PTPRT: variants seen among roughly 807,000 people sequenced by gnomAD.
PTPRT encodes receptor-type tyrosine-protein phosphatase T.
Under a neutral mutation model 176.8 loss-of-function variants are expected in PTPRT, and 56 were observed. The observed-to-expected ratio is 0.32, with a 90% CI of 0.26 to 0.40. The LOEUF (loss-of-function observed/expected upper bound fraction) is 0.40, where lower values mean the gene tolerates loss of function less well. Ranked by LOEUF, PTPRT falls within the 10% of genes least tolerant of loss-of-function variation. The pLI, the probability that PTPRT is intolerant of heterozygous loss-of-function variation, is 1.00. For synonymous variants in PTPRT, 783 were observed against 739.0 expected (o/e 1.06, Z -0.96); for missense variants, 1,540 against 1,908.2 (o/e 0.81, Z 3.60).
chr20:42,892,874 G>T (rs1193982604), intron 1 of PTPRT, among the ~76,000 whole-genome samples: 1 of 152,168 alleles, frequency 6.6e-6, no homozygotes, highest in Non-Finnish European at 1.5e-5. Flanking sequence ...TTATTGTTCA[G>T]TGAATGCCTG....
chr20:42,955,836 A>AAGGAG (rs1382464899), intron 1 of PTPRT, among the ~76,000 whole-genome samples: 1 of 124,158 alleles, frequency 8.1e-6, no homozygotes, highest in African/African-American at 3.0e-5. Flanking sequence ...AGTGAGGGAG[A>AAGGAG]AGGAGGGAGG....
intron 2 of PTPRT, among the ~76,000 whole-genome samples, chr20:42,877,783 C>T (rs2078958567): frequency 6.6e-6 from 1 of 152,174 alleles, no homozygotes; most frequent in African/African-American, 2.4e-5. Context: ...CTTTTTACAG[C>T]TAGCATCCAC....
intron 2 of PTPRT, among the ~76,000 whole-genome samples, chr20:42,883,930 G>A (rs1282514838): frequency 9.1e-6 from 1 of 110,216 alleles, no homozygotes; most frequent in African/African-American, 3.6e-5. Context: ...CAGTACACAG[G>A]CATGCACACA....
chr20:42,876,347 A>C (rs2078930658), intron 2 of PTPRT, among the ~76,000 whole-genome samples: 1 of 152,192 alleles, frequency 6.6e-6, no homozygotes, highest in Non-Finnish European at 1.5e-5. Context: ...TAAGCCTCAC[A>C]TTAAAGGAAG....
In PTPRT at chr20:42,452,291, GA is replaced by G. The variant is rs571002100; in HGVS notation, c.1451-3963del. On this transcript the variant is annotated intron_variant, in intron 8 of 30. Transcript: ENST00000373187. ...TCAAAAAAAAAAAAAATTCAGAATAGAGGTAAGAAGAAGAGTGAGAAAGAAA... is the reference window on the plus strand; with the variant it reads ...TCAAAAAAAAAAAAAATTCAGAATAGGGTAAGAAGAAGAGTGAGAAAGAAA... Among the ~76,000 whole-genome samples, 348 of 151,612 alleles carry G rather than the reference GA, an allele frequency of 2.3e-3. 2 individuals are homozygous for G. The highest frequency in any genetic ancestry group is 7.6e-3 in the African/African-American group (313 of 41,328).
chr20:42,359,943 T>A (rs1334300341), intron 9 of PTPRT, among the ~76,000 whole-genome samples: 1 of 152,074 alleles, frequency 6.6e-6, no homozygotes, highest in African/African-American at 2.4e-5. Context: ...GTTGTAGGAG[T>A]GGGGAAGTTA....
chr20:42,750,663 T>A (rs1267847388), intron 6 of PTPRT, among the ~76,000 whole-genome samples: 2 of 152,198 alleles, frequency 1.3e-5, no homozygotes, highest in Non-Finnish European at 2.9e-5. Context: ...AATAGGTTGT[T>A]AAATGGAGTT....
At chr20:42,348,295 C>T (rs1215239974) in intron 11 of PTPRT, among the ~76,000 whole-genome samples, 2 of 152,178 alleles carry the variant, frequency 1.3e-5, no homozygotes, top group Non-Finnish European at 2.9e-5. Context: ...ACCCTCAATG[C>T]TCTAGAGCCT....
intron 12 of PTPRT, among the ~76,000 whole-genome samples, chr20:42,297,187 A>C (rs1040115383): frequency 3.3e-5 from 5 of 152,182 alleles, no homozygotes; most frequent in Non-Finnish European, 7.4e-5. Context: ...GCTAACAAAG[A>C]ATATAATAGG....
At chr20:42,918,265 C>G (rs1978911751) in intron 1 of PTPRT, among the ~76,000 whole-genome samples, 1 of 152,154 alleles carries the variant, frequency 6.6e-6, no homozygotes, top group Non-Finnish European at 1.5e-5. Flanking sequence ...CACCCAAGCC[C>G]TGTGCTCCTG....
rs574842334 is a variant in PTPRT, at chr20:42,923,072, A to G, written c.89-37140T>C. On this transcript the variant is annotated intron_variant, in intron 1 of 30. Coordinates refer to ENST00000373187, the MANE Select transcript of PTPRT (RefSeq NM_007050.6). ...CATGATGAATTTAGGGAGGCCCTTC[A>G]GCACTCCACCCCTGCCCCATCACAC... is the stretch of plus-strand genomic sequence containing the variant. Among the ~76,000 whole-genome samples the G allele has an allele frequency of 3.9e-5, 6 of 152,232 alleles. No homozygotes were observed. In the East Asian group the frequency reaches 9.7e-4, roughly 25 times the overall value.
chr20:42,863,098 G>A (rs1312825790), intron 2 of PTPRT, among the ~76,000 whole-genome samples: 7 of 152,194 alleles, frequency 4.6e-5, no homozygotes. Context: ...ATGGTAACAG[G>A]TTGGTGAACA....
intron 16 of PTPRT, among the ~76,000 whole-genome samples, chr20:42,181,022 T>C (rs1322577664): frequency 6.6e-6 from 1 of 152,192 alleles, no homozygotes; most frequent in Non-Finnish European, 1.5e-5. Flanking sequence ...CTCATAGGTT[T>C]TAAGGATTAA....
At chr20:42,255,838 T>C (rs1036651287) in intron 13 of PTPRT, among the ~76,000 whole-genome samples, 1 of 152,212 alleles carries the variant, frequency 6.6e-6, no homozygotes, top group African/African-American at 2.4e-5. Flanking sequence ...TGATCATTGC[T>C]GACGATAAAG....
rs1002519341 is a variant in PTPRT, at chr20:42,165,992, C to G, written c.2492-4450G>C. The stretch of plus-strand genomic sequence containing the variant: ...CTGAAATAATATTTCAACATATAAT[C>G]ACAAAAATTATTAATGCTATATTTT... On this transcript the variant is annotated intron_variant, in intron 16 of 30. Transcript: ENST00000373187. Among the ~76,000 whole-genome samples, 59 of 152,278 alleles carry G rather than the reference C, an allele frequency of 3.9e-4. 1 individual carries two copies. The highest frequency in any genetic ancestry group is 1.4e-3 in the African/African-American group (57 of 41,560).
At chr20:43,045,412 G>A (rs938208039) in intron 1 of PTPRT, among the ~76,000 whole-genome samples, 2 of 151,706 alleles carry the variant, frequency 1.3e-5, no homozygotes, top group African/African-American at 2.4e-5. Flanking sequence ...AAGCAAGACG[G>A]ACAAGAACTC....
At chr20:42,517,738 T>G (rs1309185450) in intron 7 of PTPRT, among the ~76,000 whole-genome samples, 3 of 152,048 alleles carry the variant, frequency 2.0e-5, no homozygotes, top group Non-Finnish European at 2.9e-5. Flanking sequence ...TGATTTCTCC[T>G]TTGACTCCAG....
chr20:43,186,157 C>A (rs867606825), intron 1 of PTPRT, among the ~76,000 whole-genome samples: 1 of 152,172 alleles, frequency 6.6e-6, no homozygotes, highest in East Asian at 1.9e-4. Flanking sequence ...CAAAGTCCAG[C>A]GAGACAGCTA....
chr20:42,537,014 T>C (rs1601218438), intron 7 of PTPRT, among the ~76,000 whole-genome samples: 1 of 152,200 alleles, frequency 6.6e-6, no homozygotes, highest in East Asian at 1.9e-4. Context: ...AAAGATAATA[T>C]CATGTAATAA....
Sources: gnomAD v4.1 joint callset for allele counts (sites outside exome capture counted in the v4.1 genomes callset) on GRCh38, gnomAD v4.1.1 for gene constraint, MANE v1.5 for transcripts, NCBI Gene and HGNC (gene_info 2026-07-23, HGNC 2026-07-21) for gene names.